SYT7: variants seen among roughly 807,000 people sequenced by gnomAD.
SYT7 encodes the protein synaptotagmin-7.
In SYT7, 29 loss-of-function variants were observed where a neutral mutation model predicts 75.1. The ratio of observed to expected loss-of-function variants is 0.39; its 90% confidence interval spans 0.29 to 0.53. The LOEUF (loss-of-function observed/expected upper bound fraction) is 0.53. SYT7 is among the 20% of genes least tolerant of loss of function. The probability of loss-of-function intolerance (pLI) is 0.77; values close to 1 mark genes in which losing one functional copy is unlikely to be tolerated. For synonymous variants in SYT7, 376 were observed against 401.7 expected (o/e 0.94, Z 0.76); for missense variants, 693 against 953.2 (o/e 0.73, Z 3.59).
At position 61,540,514 on chromosome 11, in the gene SYT7, G is replaced by A. The variant is rs1390239581; in HGVS notation, c.941+1697C>T. 1.9e-5 allele frequency: 19 copies of A among 985,386 alleles called. No homozygotes were observed. In the Admixed American group the frequency reaches 1.2e-3, roughly 61 times the overall value. 61.0% of individuals were successfully genotyped at this position (985,386 alleles called of 1,614,324 possible). On this transcript the variant is annotated intron_variant, in intron 6 of 12. Transcript: ENST00000539008. ...TTCTAGGAAAAGTTGGCCGACCCTT[G>A]AGGTGAGCTCTGGAGGTTGCCAGCA... is the stretch of plus-strand genomic sequence containing the variant.
rs3802949 is a variant in SYT7 at position 61,518,481 on chromosome 11, G to A, written c.*146C>T. 3.9e-6 allele frequency: 2 copies of A among 517,524 alleles called. No homozygotes were observed. Among genetic ancestry groups the A allele is most frequent in the East Asian group, 6.5e-5 (2 of 30,694 alleles). 32.1% of individuals were successfully genotyped at this position (517,524 alleles called of 1,614,324 possible). On this transcript the variant is annotated 3_prime_UTR_variant, in exon 13 of 13. Coordinates refer to ENST00000539008, the MANE Select transcript of SYT7 (RefSeq NM_001365809.2). ...TGGTACTTCCTAGAAACGGGGCCCA[G>A]TTGAGTCCTGGGACCCCTCCCTGGC...
Position 61,528,137 on chromosome 11 carries a change from C to T in SYT7, c.1249G>A (p.Glu417Lys). 2 of 1,613,242 alleles carry T rather than the reference C, an allele frequency of 1.2e-6. No individual in the cohort carries two copies. The highest frequency in any genetic ancestry group is 1.7e-6 in the Non-Finnish European group (2 of 1,180,016). ...EDEAHEGCSR[E>K]NLGRIQFSVG... ...CTGAACTGGATCCGGCCCAGGTTCT[C>T]TCGGCTGCAACCCTCGTGGGCCTCA... The change falls in exon 9 of 13, where the codon GAG (glutamate) becomes AAG (lysine). Residue 417 changes from glutamate to lysine, a missense_variant. This residue lies in a region of SYT7 where 487 missense variants were observed against 593.2 expected (regional missense o/e 0.82). Coordinates refer to ENST00000539008, the MANE Select transcript of SYT7 (RefSeq NM_001365809.2).
chr11:61,551,563 G>T lies in SYT7; in HGVS notation c.136-100C>A. 1 of 1,251,656 alleles carries T rather than the reference G, an allele frequency of 8.0e-7. No individual in the cohort carries two copies. Among genetic ancestry groups the T allele is most frequent in the South Asian group, 1.3e-5 (1 of 79,070 alleles). The allele number at this position is 1,251,656 out of a possible 1,614,324, so 77.5% of individuals were successfully genotyped here. On this transcript the variant is annotated intron_variant, in intron 2 of 12. Coordinates refer to ENST00000539008, the MANE Select transcript of SYT7 (RefSeq NM_001365809.2). This position sits in a 1 kb window ranked among gnomAD's most constrained non-coding sequence, Gnocchi z 5.3. ...GAGGGGAAGGAGATAGACTGGAGTC[G>T]GGCCGTGGCAACAAGGCCAGGACCA...
Position 61,580,904 on chromosome 11 carries a change from G to A in SYT7, c.-84C>T. ...CTCCGCCGCCGCCGCTGGGCATGGG[G>A]CCGGGCGACCCCCGGGGGCGGGTCC... On this transcript the variant is annotated 5_prime_UTR_variant, in exon 1 of 13. Coordinates refer to ENST00000539008, the MANE Select transcript of SYT7 (RefSeq NM_001365809.2). The surrounding 1 kb of genome is among the most constrained non-coding windows in gnomAD (Gnocchi z 6.1). 4 of 1,099,542 alleles carry A rather than the reference G, an allele frequency of 3.6e-6. No homozygotes were observed. The highest frequency in any genetic ancestry group is 4.4e-6 in the Non-Finnish European group (4 of 904,320). The allele number at this position is 1,099,542 out of a possible 1,614,324, so 68.1% of individuals were successfully genotyped here.
chr11:61,565,852 T>C (rs946789077), intron 1 of SYT7, among the ~76,000 whole-genome samples: 2 of 152,270 alleles, frequency 1.3e-5, no homozygotes, highest in African/African-American at 2.4e-5. Flanking sequence ...TTCCTCAACC[T>C]TGACTGTAAT....
rs369797976 is a variant in SYT7, at chr11:61,551,513, C to T, written c.136-50G>A. ...TCCTGGGGAACAGGACTGTACCCTC[C>T]CTACCTCCCCAGAACAGGGACCCGG... On this transcript the variant is annotated intron_variant, in intron 2 of 12. Transcript: ENST00000539008. The surrounding 1 kb of genome is among the most constrained non-coding windows in gnomAD (Gnocchi z 5.3). 62 of 1,568,440 alleles carry T rather than the reference C, an allele frequency of 4.0e-5. No homozygotes were observed. Among genetic ancestry groups the T allele is most frequent in the Admixed American group, 6.7e-5 (4 of 59,752 alleles).
chr11:61,519,586 G>T (rs2062247083), intron 12 of SYT7, among the ~76,000 whole-genome samples: 1 of 152,202 alleles, frequency 6.6e-6, no homozygotes, highest in Non-Finnish European at 1.5e-5. Context: ...TGGATTGGAT[G>T]CTGGGACAGA....
chr11:61,556,046 AG>A (rs1383848054), intron 2 of SYT7, 57 bp downstream of exon 2: 27 of 1,415,808 alleles, frequency 1.9e-5, no homozygotes, highest in Non-Finnish European at 2.6e-5. Flanking sequence ...GTGTGTGGGG[AG>A]GGGGGGCAGT....
In SYT7 at chr11:61,542,666, G is replaced by C; in HGVS notation, c.573-87C>G. 1 of 1,421,168 alleles carries C rather than the reference G, an allele frequency of 7.0e-7. No homozygotes were observed. Among genetic ancestry groups the C allele is most frequent in the Non-Finnish European group, 9.2e-7 (1 of 1,092,624 alleles). The allele number at this position is 1,421,168 out of a possible 1,614,324, so 88.0% of individuals were successfully genotyped here. On this transcript the variant is annotated intron_variant, in intron 5 of 12. Coordinates refer to ENST00000539008, the MANE Select transcript of SYT7 (RefSeq NM_001365809.2). The surrounding 1 kb of genome is among the most constrained non-coding windows in gnomAD (Gnocchi z 7.8). ...GAAAGAAGCCGAGGGCCAGGACTAG[G>C]AGGCCCCAGTGCAGGGTGCGCGCTG...
chr11:61,587,377 G>C, the SYT7 span, among the ~76,000 whole-genome samples: 3 of 152,360 alleles, frequency 2.0e-5, no homozygotes, highest in Non-Finnish European at 4.4e-5. Context: ...CCCAGCTGAG[G>C]CTGCACAGAC....
intron 1 of SYT7, among the ~76,000 whole-genome samples, chr11:61,575,047 CA>C (rs1255859323): frequency 6.6e-6 from 1 of 151,948 alleles, no homozygotes; most frequent in East Asian, 1.9e-4. Flanking sequence ...AACAGGTAGG[CA>C]CCGTTCCTCT....
intron 7 of SYT7, chr11:61,533,589 T>TC: frequency 1.0e-6 from 1 of 985,356 alleles, no homozygotes; most frequent in Non-Finnish European, 1.2e-6. Context: ...AATGTCTGTT[T>TC]CCCAGATGCC....
At chr11:61,545,188 T>C (rs890752517) in intron 5 of SYT7, among the ~76,000 whole-genome samples, 4 of 152,324 alleles carry the variant, frequency 2.6e-5, no homozygotes, top group South Asian at 2.1e-4. Flanking sequence ...ATATACTGTC[T>C]GTGGAAAACA....
chr11:61,551,299 G>A lies in SYT7; in HGVS notation c.215+85C>T, dbSNP rs753648653. 266 of 1,275,558 alleles carry A rather than the reference G, an allele frequency of 2.1e-4. No homozygotes were observed. Among genetic ancestry groups the A allele is most frequent in the Non-Finnish European group, 2.9e-4 (257 of 883,574 alleles). 79.0% of individuals were successfully genotyped at this position (1,275,558 alleles called of 1,614,324 possible). A position where few individuals can be genotyped will look rare whatever the true frequency, so the allele number is the denominator to read the frequency against. On this transcript the variant is annotated intron_variant, in intron 3 of 12. Coordinates refer to ENST00000539008, the MANE Select transcript of SYT7 (RefSeq NM_001365809.2). The surrounding 1 kb of genome is among the most constrained non-coding windows in gnomAD (Gnocchi z 5.3). ...GGGGGAAGTGAAAGTGTGTGGTCAG[G>A]TCTGTGGGGCTGGGGGAGAGAAGGG...
intron 1 of SYT7, among the ~76,000 whole-genome samples, chr11:61,558,505 TACACACACACAC>T (rs34301756): frequency 7.4e-6 from 1 of 134,570 alleles, no homozygotes; most frequent in Non-Finnish European, 1.6e-5. Context: ...CACACACACA[TACACACACACAC>T]ACACACACAC....
chr11:61,571,272 T>C (rs1183113891), intron 1 of SYT7, among the ~76,000 whole-genome samples: 2 of 152,230 alleles, frequency 1.3e-5, no homozygotes, highest in Non-Finnish European at 2.9e-5. Flanking sequence ...GTCATGCATC[T>C]GCATGAAGTG....
At chr11:61,557,321 G>A (rs1348572977) in intron 1 of SYT7, among the ~76,000 whole-genome samples, 1 of 152,212 alleles carries the variant, frequency 6.6e-6, no homozygotes, top group Non-Finnish European at 1.5e-5. Context: ...GGGCTTTTTG[G>A]TGCCAGTGAT....
At chr11:61,581,664 G>C (rs1280370088), upstream of SYT7, among the ~76,000 whole-genome samples, 1 of 152,222 alleles carries the variant, frequency 6.6e-6, no homozygotes, top group Middle Eastern at 3.2e-3. Context: ...AGGTGGAGCC[G>C]AAAGGGCTAA....
intron 1 of SYT7, among the ~76,000 whole-genome samples, chr11:61,572,444 G>A (rs755528542): frequency 3.9e-5 from 6 of 152,208 alleles, no homozygotes; most frequent in Non-Finnish European, 7.3e-5. Context: ...AGGATAAGGA[G>A]GCACCAGGCA....
Sources: allele counts gnomAD v4.1 joint callset (sites outside exome capture counted in the v4.1 genomes callset), GRCh38; gene constraint gnomAD v4.1.1; regional missense constraint gnomAD v4.1.1; non-coding constraint Gnocchi (gnomAD v3.1); transcripts MANE v1.5; gene names NCBI Gene and HGNC (gene_info 2026-07-23, HGNC 2026-07-21).